The following DRC9 variants were observed in gnomAD, a reference collection of about 807,000 sequenced individuals.
The protein encoded by DRC9 is dynein regulatory complex protein 9.
the DRC9 span, among the ~76,000 whole-genome samples, chr3:197,917,549 G>GACCTC: frequency 1.3e-5 from 2 of 152,072 alleles, no homozygotes; most frequent in Non-Finnish European, 2.9e-5. Context: ...CAAATTACTG[G>GACCTC]ACCTCACTAA....
chr3:197,951,548 T>C, the DRC9 span: 1 of 487,362 alleles, frequency 2.1e-6, no homozygotes, highest in African/African-American at 2.0e-5. Context: ...AGACAGGGTA[T>C]TGCCATGTTG....
the DRC9 span, among the ~76,000 whole-genome samples, chr3:197,941,745 T>C: frequency 2.6e-5 from 4 of 151,360 alleles, no homozygotes; most frequent in East Asian, 5.9e-4. Flanking sequence ...ATTTTCTTGG[T>C]AGAGACAGGG....
the DRC9 span, among the ~76,000 whole-genome samples, chr3:197,911,779 A>G: frequency 6.6e-6 from 1 of 151,818 alleles, no homozygotes; most frequent in East Asian, 1.9e-4. Context: ...AGCTGGGATT[A>G]CAGGCGCCCG....
the DRC9 span, chr3:197,914,013 C>G: frequency 1.2e-6 from 2 of 1,614,096 alleles, no homozygotes; most frequent in Non-Finnish European, 1.7e-6. Flanking sequence ...GCAGTTGGTC[C>G]TTGAGGTTAG....
chr3:197,897,937 AT>A, the DRC9 span, among the ~76,000 whole-genome samples: 417 of 132,996 alleles, frequency 3.1e-3, 1 homozygote, highest in East Asian at 6.9e-3. Flanking sequence ...CGCCCAGCTA[AT>A]TTTTTTTTTT....
At chr3:197,957,458 GTTTT>G in the DRC9 span, 6 of 129,840 alleles carry the variant, frequency 4.6e-5, no homozygotes, top group South Asian at 4.8e-4. Context: ...GATTGTGGTG[GTTTT>G]TTTTTTTTTT....
chr3:197,913,916 TAC>T, the DRC9 span: 1 of 1,614,182 alleles, frequency 6.2e-7, no homozygotes, highest in South Asian at 1.1e-5. Context: ...TCTGTTCTGT[TAC>T]ACTTTTTCTG....
chr3:197,905,411 A>T, the DRC9 span, among the ~76,000 whole-genome samples: 1 of 152,146 alleles, frequency 6.6e-6, no homozygotes, highest in Non-Finnish European at 1.5e-5. Context: ...TTTAAAATAG[A>T]AACAATTTTA....
chr3:197,943,679 GAA>G, the DRC9 span: 1 of 1,069,378 alleles, frequency 9.4e-7, no homozygotes, highest in Non-Finnish European at 1.4e-6. Flanking sequence ...GAGAGAGAGA[GAA>G]AGAAAGAAAA....
At chr3:197,890,213 T>C in the DRC9 span, among the ~76,000 whole-genome samples, 2 of 151,944 alleles carry the variant, frequency 1.3e-5, no homozygotes, top group African/African-American at 4.8e-5. Flanking sequence ...CTGGGCAACA[T>C]GGCAAGACCC....
chr3:197,890,984 G>A, the DRC9 span, among the ~76,000 whole-genome samples: 3 of 152,146 alleles, frequency 2.0e-5, no homozygotes, highest in Admixed American at 6.5e-5. Flanking sequence ...TCATCACTGA[G>A]ACACACAAGT....
the DRC9 span, among the ~76,000 whole-genome samples, chr3:197,909,551 G>T: frequency 6.6e-6 from 1 of 152,114 alleles, no homozygotes; most frequent in Non-Finnish European, 1.5e-5. Context: ...CTGACAGAAT[G>T]GTTCACTAAA....
At chr3:197,954,721 T>A in the DRC9 span, among the ~76,000 whole-genome samples, 1 of 152,204 alleles carries the variant, frequency 6.6e-6, no homozygotes, top group Non-Finnish European at 1.5e-5. Flanking sequence ...TTGCCCAGGC[T>A]GGTCTTGAAC....
chr3:197,948,877 C>T, the DRC9 span, among the ~76,000 whole-genome samples: 6 of 152,318 alleles, frequency 3.9e-5, no homozygotes, highest in East Asian at 1.2e-3. Flanking sequence ...CATCACCTCT[C>T]ATCATAGTCA....
the DRC9 span, among the ~76,000 whole-genome samples, chr3:197,922,781 T>C: frequency 1.5e-4 from 23 of 151,854 alleles, no homozygotes; most frequent in Non-Finnish European, 1.9e-4. Flanking sequence ...AAGATACTTA[T>C]CTTCTATAAG....
chr3:197,946,150 T>C, the DRC9 span, among the ~76,000 whole-genome samples: 1 of 152,128 alleles, frequency 6.6e-6, no homozygotes. Context: ...ACTGTATTAA[T>C]TGGGGCCGGG....
chr3:197,932,889 A>AATATATATT, the DRC9 span, among the ~76,000 whole-genome samples: 207 of 120,912 alleles, frequency 1.7e-3, 1 homozygote, highest in African/African-American at 8.1e-3. Flanking sequence ...ATATATGTAT[A>AATATATATT]ATATATGTAT....
the DRC9 span, chr3:197,950,229 A>G: frequency 2.4e-6 from 3 of 1,230,974 alleles, no homozygotes; most frequent in Admixed American, 8.4e-5. Flanking sequence ...GAGGTGAGTG[A>G]AGGGTCTGCT....
chr3:197,938,877 ACTT>A, the DRC9 span: 21 of 873,506 alleles, frequency 2.4e-5, no homozygotes, highest in Non-Finnish European at 3.3e-5. Context: ...ATCTTCTCTG[ACTT>A]CTACTCTATA....
Sources: allele counts gnomAD v4.1 joint callset (sites outside exome capture counted in the v4.1 genomes callset), GRCh38; gene constraint gnomAD v4.1.1; transcripts MANE v1.5; gene names NCBI Gene and HGNC (gene_info 2026-07-23, HGNC 2026-07-21).